Variants in CMIP observed in about 807,000 individuals in gnomAD.
CMIP encodes the protein c-Maf inducing protein.
In CMIP, 13 loss-of-function variants were observed where a neutral mutation model predicts 97.3. That is an observed-to-expected ratio of 0.13 (90% CI 0.09 to 0.21). CMIP has a LOEUF of 0.21. Ranked by LOEUF, CMIP falls within the 10% of genes least tolerant of loss-of-function variation. The probability of loss-of-function intolerance (pLI) is 1.00; values close to 1 mark genes in which losing one functional copy is unlikely to be tolerated. For missense variants in CMIP, 847 were observed against 1,024.9 expected, an observed-to-expected ratio of 0.83 and a Z score of 2.37; for synonymous variants, 538 against 436.3, an observed-to-expected ratio of 1.23 and a Z score of -2.91.
At chr16:81,688,635 G>T (rs1456700862) in intron 10 of CMIP, among the ~76,000 whole-genome samples, 1 of 152,112 alleles carries the variant, frequency 6.6e-6, no homozygotes, top group Non-Finnish European at 1.5e-5. Flanking sequence ...TATTGTCATT[G>T]TTATTACCGT....
chr16:81,469,146 C>G (rs886876266), intron 1 of CMIP, among the ~76,000 whole-genome samples: 2 of 152,234 alleles, frequency 1.3e-5, no homozygotes, highest in Non-Finnish European at 2.9e-5. Flanking sequence ...TGTCCCTCAA[C>G]CTTTGACGTT....
At chr16:81,505,817 C>T (rs1034517232) in intron 1 of CMIP, among the ~76,000 whole-genome samples, 1 of 152,092 alleles carries the variant, frequency 6.6e-6, no homozygotes, top group African/African-American at 2.4e-5. Flanking sequence ...ATGGCAAAAC[C>T]CTGTCTCTAC....
chr16:81,484,935 T>A (rs951139868), intron 1 of CMIP, among the ~76,000 whole-genome samples: 1 of 152,014 alleles, frequency 6.6e-6, no homozygotes, highest in Non-Finnish European at 1.5e-5. Flanking sequence ...GCCTTCCTCC[T>A]CCTACCCCTG....
In CMIP at chr16:81,705,591, G is replaced by T; in HGVS notation, c.2184G>T (p.Leu728=). Residue 728 remains leucine, a synonymous_variant, in exon 19 of 21, where the codon CTG becomes CTT. Coordinates refer to ENST00000537098, the MANE Select transcript of CMIP (RefSeq NM_198390.3). The part of the protein sequence containing the change: ...LCETPVTDAG[L]LALSSMKSLC... ...AGACCCCGGTCACAGACGCTGGCCTGCTGGCCCTGAGCTGTGAGTGCCTCC... is the reference window on the plus strand; with the variant it reads ...AGACCCCGGTCACAGACGCTGGCCTTCTGGCCCTGAGCTGTGAGTGCCTCC... The T allele has an allele frequency of 6.2e-7, 1 of 1,601,918 alleles. No homozygotes were observed. The highest frequency in any genetic ancestry group is 8.5e-7 in the Non-Finnish European group (1 of 1,175,646).
chr16:81,547,339 C>T (rs959141761), intron 1 of CMIP, among the ~76,000 whole-genome samples: 1 of 152,128 alleles, frequency 6.6e-6, no homozygotes, highest in South Asian at 2.1e-4. Flanking sequence ...GGACACAGAC[C>T]AGCTCCTGCA....
intron 1 of CMIP, among the ~76,000 whole-genome samples, chr16:81,550,114 C>T (rs2090623943): frequency 6.6e-6 from 1 of 152,198 alleles, no homozygotes; most frequent in African/African-American, 2.4e-5. Context: ...GAAGGCAGTA[C>T]ACACTGAGCA....
intron 1 of CMIP, among the ~76,000 whole-genome samples, chr16:81,548,170 G>C (rs1473456280): frequency 8.2e-6 from 1 of 122,516 alleles, no homozygotes; most frequent in Non-Finnish European, 1.6e-5. Context: ...GTCTCCCTCT[G>C]TCCCTCAGGC....
chr16:81,507,731 T>G (rs2089735079), intron 1 of CMIP, among the ~76,000 whole-genome samples: 2 of 152,212 alleles, frequency 1.3e-5, no homozygotes. Flanking sequence ...TCATTAAGAT[T>G]AACCAGGAGA....
chr16:81,660,959 T>G lies in CMIP; in HGVS notation c.744+13T>G. The G allele has an allele frequency of 1.2e-6, 2 of 1,613,990 alleles. No individual in the cohort carries two copies. Among genetic ancestry groups the G allele is most frequent in the Non-Finnish European group, 1.7e-6 (2 of 1,179,854 alleles). On this transcript the variant is annotated intron_variant, in intron 6 of 20. Coordinates refer to ENST00000537098, the MANE Select transcript of CMIP (RefSeq NM_198390.3). Reference sequence around the variant, plus strand: ...ATTCTTTTGCAAGGTACGGGATTGCTGAGCTGGGGCTGTGGCTGCAGGAAG... The same window carrying G: ...ATTCTTTTGCAAGGTACGGGATTGCGGAGCTGGGGCTGTGGCTGCAGGAAG...
rs565142791 is a variant in CMIP at position 81,479,797 on chromosome 16, CT to C, written c.300+34257del. The stretch of plus-strand genomic sequence containing the variant: ...CGTTAACAGTCACTCCTCTTTCCCC[CT>C]ACCCCCGGCTCTTGAAAACCAACAT... On this transcript the variant is annotated intron_variant, in intron 1 of 20. Coordinates refer to ENST00000537098, the MANE Select transcript of CMIP (RefSeq NM_198390.3). Among the ~76,000 whole-genome samples, 554 of 152,334 alleles carry C rather than the reference CT, an allele frequency of 3.6e-3. 5 individuals are homozygous for C. Among genetic ancestry groups the C allele is most frequent in the African/African-American group, 0.012 (514 of 41,556 alleles).
chr16:81,640,156 C>G (rs968770927), intron 3 of CMIP, among the ~76,000 whole-genome samples: 20 of 152,116 alleles, frequency 1.3e-4, no homozygotes, highest in African/African-American at 4.6e-4. Flanking sequence ...ATGCAGGTGC[C>G]CAGGTGTGCC....
chr16:81,459,312 A>T (rs557327499), intron 1 of CMIP, among the ~76,000 whole-genome samples: 15 of 152,246 alleles, frequency 9.9e-5, no homozygotes, highest in African/African-American at 3.1e-4. Context: ...GTGACCTTGG[A>T]GTCAAGGGAA....
chr16:81,691,710 C>CA (rs1242426488), intron 10 of CMIP, 65 bp from the exon 11 acceptor site: 7 of 1,442,154 alleles, frequency 4.9e-6, no homozygotes, highest in Non-Finnish European at 6.8e-6. Context: ...CATCTGGGAC[C>CA]AAAAACAGTG....
chr16:81,497,021 C>T (rs1025998397), intron 1 of CMIP, among the ~76,000 whole-genome samples: 1 of 152,184 alleles, frequency 6.6e-6, no homozygotes, highest in Non-Finnish European at 1.5e-5. Context: ...TGCTGGGCCT[C>T]GTAAGGGGTG....
rs377709392 is a variant in CMIP, at chr16:81,652,272, C to G, written c.547C>G (p.Arg183Gly). The G allele has an allele frequency of 6.2e-7, 1 of 1,613,374 alleles. No individual in the cohort carries two copies. Among genetic ancestry groups the G allele is most frequent in the East Asian group, 2.2e-5 (1 of 44,902 alleles). ...SRWEVVLKEIRTLVDMALTSP... is the reference protein window; with the variant it reads ...SRWEVVLKEIGTLVDMALTSP... ...CTGGGAAGTTGTCTTGAAAGAGATC[C>G]GGACCCTGGTGGACATGGCCCTGAC... Residue 183 changes from arginine (R) to glycine (G), a missense_variant, in exon 4 of 21, where the codon CGG becomes GGG. Arg to Gly is a moderately radical substitution (Grantham distance 125). Around this residue, in one of 4 missense-constraint regions of CMIP, gnomAD observed 285 missense variants for 392.2 expected, o/e 0.73. Coordinates refer to ENST00000537098, the MANE Select transcript of CMIP (RefSeq NM_198390.3). The surrounding 1 kb of genome is among the most constrained non-coding windows in gnomAD (Gnocchi z 5.2).
intron 1 of CMIP, among the ~76,000 whole-genome samples, chr16:81,482,998 CCTACTTGGAGCCCCCATT>C (rs1455197839): frequency 6.6e-6 from 1 of 152,220 alleles, no homozygotes. Flanking sequence ...ATCATCCTGG[CCTACTTGGAGCCCCCATT>C]CTACTGGAGG....
intron 2 of CMIP, among the ~76,000 whole-genome samples, chr16:81,609,845 G>C (rs1308130781): frequency 6.6e-6 from 1 of 152,194 alleles, no homozygotes; most frequent in East Asian, 1.9e-4. Context: ...GATATGTCTA[G>C]ATCTGTTGGG....
At chr16:81,700,229 C>G (rs1023756273) in intron 15 of CMIP, among the ~76,000 whole-genome samples, 2 of 152,124 alleles carry the variant, frequency 1.3e-5, no homozygotes, top group Non-Finnish European at 2.9e-5. Flanking sequence ...AGGCCTCAGA[C>G]AATGAGGGCT....
At chr16:81,622,484 T>C (rs529603485) in intron 3 of CMIP, among the ~76,000 whole-genome samples, 22 of 152,068 alleles carry the variant, frequency 1.4e-4, no homozygotes, top group Non-Finnish European at 2.8e-4. Flanking sequence ...GCCAAAGCAG[T>C]TGAGAGGGAG....
Sources: allele counts gnomAD v4.1 joint callset (sites outside exome capture counted in the v4.1 genomes callset), GRCh38; gene constraint gnomAD v4.1.1; regional missense constraint gnomAD v4.1.1; non-coding constraint Gnocchi (gnomAD v3.1); transcripts MANE v1.5; gene names NCBI Gene and HGNC (gene_info 2026-07-23, HGNC 2026-07-21).